Variants in NTM observed in about 807,000 individuals in gnomAD.
NTM encodes the protein neurotrimin, also known as IgLON family member 2.
Under a neutral mutation model 42.1 loss-of-function variants are expected in NTM, and 13 were observed. That is an observed-to-expected ratio of 0.31 (90% CI 0.20 to 0.49). The LOEUF is 0.49. Among genes scored for constraint, NTM ranks in the 20% least tolerant of loss-of-function variants. NTM has a pLI of 0.99. For missense variants in NTM, 373 were observed against 452.8 expected, an observed-to-expected ratio of 0.82 and a Z score of 1.60; for synonymous variants, 187 against 179.2, an observed-to-expected ratio of 1.04 and a Z score of -0.35.
At chr11:132,313,384 T>C (rs1301328304) in intron 6 of NTM, among the ~76,000 whole-genome samples, 4 of 152,046 alleles carry the variant, frequency 2.6e-5, no homozygotes, top group Non-Finnish European at 5.9e-5. Context: ...TATTATCTGC[T>C]TGCTACAAGC....
intron 1 of NTM, among the ~76,000 whole-genome samples, chr11:131,439,428 G>C (rs1949422566): frequency 6.6e-6 from 1 of 152,188 alleles, no homozygotes; most frequent in African/African-American, 2.4e-5. Flanking sequence ...AGACTACAGA[G>C]GCAGTTGGTC....
At chr11:131,510,056 G>A (rs2048030078) in intron 1 of NTM, among the ~76,000 whole-genome samples, 1 of 152,180 alleles carries the variant, frequency 6.6e-6, no homozygotes, top group Non-Finnish European at 1.5e-5. Flanking sequence ...CTCAGTAGCT[G>A]AGCTCCTGGC....
chr11:132,159,182 CCT>C (rs1180449458), intron 3 of NTM, among the ~76,000 whole-genome samples: 3 of 152,158 alleles, frequency 2.0e-5, no homozygotes, highest in Non-Finnish European at 4.4e-5. Context: ...AGGAGACCCC[CCT>C]CTCTCCTTGA....
At chr11:132,272,957 A>C (rs2093551479) in intron 4 of NTM, among the ~76,000 whole-genome samples, 1 of 152,112 alleles carries the variant, frequency 6.6e-6, no homozygotes, top group African/African-American at 2.4e-5. Context: ...AAGGGAAAGC[A>C]TTTTGATTTT....
intron 1 of NTM, among the ~76,000 whole-genome samples, chr11:131,460,841 ACCG>A (rs924821690): frequency 1.4e-4 from 21 of 152,324 alleles, no homozygotes; most frequent in Admixed American, 4.6e-4. Flanking sequence ...GGCGTGAACC[ACCG>A]CGCCCTGCCA....
At chr11:131,764,147 A>T (rs2084730416) in intron 1 of NTM, among the ~76,000 whole-genome samples, 1 of 152,172 alleles carries the variant, frequency 6.6e-6, no homozygotes, top group Admixed American at 6.5e-5. Context: ...ATAAGCGGCA[A>T]CATTACCACT....
At chr11:131,575,189 A>G (rs1356400149) in intron 1 of NTM, among the ~76,000 whole-genome samples, 1 of 105,734 alleles carries the variant, frequency 9.5e-6, no homozygotes, top group Non-Finnish European at 2.2e-5. Context: ...ACTTCAGCAT[A>G]CAAAGGCTCT....
chr11:132,311,316 T>A (rs2095273176), intron 6 of NTM, among the ~76,000 whole-genome samples: 1 of 152,154 alleles, frequency 6.6e-6, no homozygotes, highest in African/African-American at 2.4e-5. Context: ...TTTATCATAA[T>A]CCTCCCAAAT....
intron 3 of NTM, among the ~76,000 whole-genome samples, chr11:132,203,495 T>A (rs889314502): frequency 6.6e-6 from 1 of 152,216 alleles, no homozygotes; most frequent in Non-Finnish European, 1.5e-5. Context: ...CGGCTTCTGA[T>A]ATGAAGCTTA....
At chr11:131,995,563 A>G (rs1264175680) in intron 2 of NTM, among the ~76,000 whole-genome samples, 1 of 152,112 alleles carries the variant, frequency 6.6e-6, no homozygotes, top group East Asian at 1.9e-4. Context: ...CAAGATCCCA[A>G]GTGGAAGAGA....
At chr11:132,180,450 TAAAAG>T (rs2077398083) in intron 3 of NTM, among the ~76,000 whole-genome samples, 1 of 152,070 alleles carries the variant, frequency 6.6e-6, no homozygotes, top group African/African-American at 2.4e-5. Context: ...CTTCAATCCT[TAAAAG>T]AAAAGGACAA....
chr11:132,020,352 G>T (rs1251129620), intron 2 of NTM, among the ~76,000 whole-genome samples: 1 of 151,604 alleles, frequency 6.6e-6, no homozygotes, highest in East Asian at 1.9e-4. Context: ...TTTATGACTG[G>T]ATTTACATTT....
At chr11:131,847,977 A>G (rs1049092794) in intron 1 of NTM, among the ~76,000 whole-genome samples, 5 of 152,198 alleles carry the variant, frequency 3.3e-5, no homozygotes, top group Admixed American at 6.5e-5. Flanking sequence ...GAGGCTGGCT[A>G]CCACACATGG....
chr11:132,013,302 C>T (rs726370), intron 2 of NTM, among the ~76,000 whole-genome samples: 74,928 of 151,864 alleles, frequency 0.49, 19,490 homozygotes, highest in East Asian at 0.81. Context: ...TAAGAGGGGA[C>T]CTATTAAATA....
At chr11:131,524,515 C>G (rs1367213423) in intron 1 of NTM, among the ~76,000 whole-genome samples, 1 of 152,180 alleles carries the variant, frequency 6.6e-6, no homozygotes, top group Non-Finnish European at 1.5e-5. Flanking sequence ...GGGTCATGCT[C>G]TAGAAAGGAT....
chr11:132,288,180 T>C (rs956973957), intron 4 of NTM, among the ~76,000 whole-genome samples: 3 of 152,186 alleles, frequency 2.0e-5, no homozygotes, highest in African/African-American at 7.2e-5. Flanking sequence ...GCAAGCCACA[T>C]CGTGCAGAAT....
chr11:131,559,234 G>T (rs899768232), intron 1 of NTM, among the ~76,000 whole-genome samples: 1 of 152,178 alleles, frequency 6.6e-6, no homozygotes, highest in Non-Finnish European at 1.5e-5. Flanking sequence ...TGTGCCCAAG[G>T]CCTGGTCTAA....
At position 131,824,979 on chromosome 11, in the gene NTM, G is replaced by A. The variant is rs548513338; in HGVS notation, c.83-86585G>A. Among the ~76,000 whole-genome samples the A allele has an allele frequency of 8.5e-5, 13 of 152,252 alleles. No homozygotes were observed. The East Asian group carries it at 2.5e-3, about 30-fold the overall frequency. The stretch of plus-strand genomic sequence containing the variant: ...TAGGGCTGCTGTAGTAAAGTATTGC[G>A]AAATGGATGGACTACAACAACAGAA... On this transcript the variant is annotated intron_variant, in intron 1 of 8. Coordinates refer to ENST00000683400, the MANE Select transcript of NTM (RefSeq NM_001352005.2).
chr11:132,275,035 T>G (rs1017220263), intron 4 of NTM, among the ~76,000 whole-genome samples: 2 of 152,132 alleles, frequency 1.3e-5, no homozygotes, highest in Non-Finnish European at 2.9e-5. Context: ...TTTCATTTTT[T>G]GGGTTACATT....
Sources: gnomAD v4.1 joint callset for allele counts (sites outside exome capture counted in the v4.1 genomes callset) on GRCh38, gnomAD v4.1.1 for gene constraint, MANE v1.5 for transcripts, NCBI Gene and HGNC (gene_info 2026-07-23, HGNC 2026-07-21) for gene names.